BCL2: variants seen among roughly 807,000 people sequenced by gnomAD.
The protein encoded by BCL2 is apoptosis regulator Bcl-2.
A neutral mutation model predicts 14.2 loss-of-function variants in BCL2; 1 was observed. That is an observed-to-expected ratio of 0.07 (90% CI 0.02 to 0.33). The LOEUF is 0.33. Among genes scored for constraint, BCL2 ranks in the 10% least tolerant of loss-of-function variants. The pLI is 0.99. For missense variants in BCL2, 247 were observed against 305.9 expected (o/e 0.81, Z 1.44); for synonymous variants, 151 against 137.2 (o/e 1.10, Z -0.70).
At chr18:63,181,493 T>C (rs960203910) in intron 2 of BCL2, among the ~76,000 whole-genome samples, 4 of 152,204 alleles carry the variant, frequency 2.6e-5, no homozygotes, top group African/African-American at 9.6e-5. Flanking sequence ...AAAATGCAGA[T>C]GCCTGGACCC....
chr18:63,221,893 T>C (rs1295777356), intron 2 of BCL2, among the ~76,000 whole-genome samples: 1 of 152,166 alleles, frequency 6.6e-6, no homozygotes, highest in Non-Finnish European at 1.5e-5. Flanking sequence ...ACAAACACAG[T>C]TCTAGGATCA....
chr18:63,128,612 A>G lies in BCL2; in HGVS notation c.*13T>C. The G allele has an allele frequency of 1.3e-6, 1 of 780,200 alleles. No individual in the cohort carries two copies. Among genetic ancestry groups the G allele is most frequent in the Middle Eastern group, 2.3e-4 (1 of 4,442 alleles). 48.3% of individuals were successfully genotyped at this position (780,200 alleles called of 1,614,324 possible). ...AACCTTTTGCATATTTGTTTGGGGC[A>G]GGCATGTTGACTTCACTTGTGGCCC... On this transcript the variant is annotated 3_prime_UTR_variant, in exon 3 of 3. Transcript: ENST00000333681.
intron 2 of BCL2, among the ~76,000 whole-genome samples, chr18:63,166,426 C>T (rs1183534802): frequency 1.3e-5 from 2 of 152,164 alleles, no homozygotes; most frequent in African/African-American, 2.4e-5. Flanking sequence ...GACTGGGGAA[C>T]GAGGTACCTG....
In BCL2 at chr18:63,202,257, C is replaced by T. The variant is rs28484798; in HGVS notation, c.586-73498G>A. On this transcript the variant is annotated intron_variant, in intron 2 of 2. Coordinates refer to ENST00000333681, the MANE Select transcript of BCL2 (RefSeq NM_000633.3). ...TCAGGAGGCGGAGGTTGCAGTGAGA[C>T]GAGATCGGGCCACTGCACTCCAGCC... Among the ~76,000 whole-genome samples the T allele has an allele frequency of 7.6e-4, 115 of 152,254 alleles. 1 individual carries two copies. Among genetic ancestry groups the T allele is most frequent in the African/African-American group, 2.4e-3 (101 of 41,568 alleles).
At chr18:63,269,963 C>T (rs1457313572) in intron 2 of BCL2, among the ~76,000 whole-genome samples, 2 of 152,106 alleles carry the variant, frequency 1.3e-5, no homozygotes, top group Non-Finnish European at 2.9e-5. Flanking sequence ...CAGGTTTCCA[C>T]CTTTGAAATG....
At chr18:63,244,179 A>G (rs1209301173) in intron 2 of BCL2, among the ~76,000 whole-genome samples, 1 of 152,170 alleles carries the variant, frequency 6.6e-6, no homozygotes, top group Non-Finnish European at 1.5e-5. Context: ...GGAATTCAAG[A>G]CTGGCCTGGC....
chr18:63,210,205 T>A (rs907890912), intron 2 of BCL2, among the ~76,000 whole-genome samples: 1 of 152,144 alleles, frequency 6.6e-6, no homozygotes, highest in Non-Finnish European at 1.5e-5. Context: ...GCAGTGAACA[T>A]GCTGGAAGTG....
intron 2 of BCL2, among the ~76,000 whole-genome samples, chr18:63,297,799 C>T (rs1033548431): frequency 1.3e-5 from 2 of 152,178 alleles, no homozygotes; most frequent in Non-Finnish European, 2.9e-5. Flanking sequence ...GGCGTGGCAT[C>T]GGCTGATGGG....
At chr18:63,305,294 A>G (rs906424046) in intron 2 of BCL2, among the ~76,000 whole-genome samples, 2 of 152,252 alleles carry the variant, frequency 1.3e-5, no homozygotes, top group East Asian at 3.8e-4. Context: ...CTACTAAGCA[A>G]TCTTGTGTCT....
At chr18:63,130,413 C>G (rs1914033446) in intron 2 of BCL2, among the ~76,000 whole-genome samples, 1 of 152,176 alleles carries the variant, frequency 6.6e-6, no homozygotes, top group African/African-American at 2.4e-5. Context: ...CAGGGATTCT[C>G]TTTGTCTCCC....
rs540538416 is a variant in BCL2, at chr18:63,123,711, C to T, written c.*4914G>A. 71 of 213,956 alleles carry T rather than the reference C, an allele frequency of 3.3e-4. No individual in the cohort carries two copies. The highest frequency in any genetic ancestry group is 1.4e-3 in the African/African-American group (60 of 44,312). 13.3% of individuals were successfully genotyped at this position (213,956 alleles called of 1,614,324 possible). On this transcript the variant is annotated 3_prime_UTR_variant, in exon 3 of 3. Transcript: ENST00000333681. The stretch of plus-strand genomic sequence containing the variant: ...AACAAAAGCAAACCTTGGTTGAAAA[C>T]TTAAGAAGGTATAATAAACAAAACC...
intron 2 of BCL2, among the ~76,000 whole-genome samples, chr18:63,232,342 C>CA (rs531646291): frequency 7.7e-4 from 117 of 151,720 alleles, no homozygotes; most frequent in African/African-American, 2.5e-3. Context: ...TGAAGGATGC[C>CA]AAAAAACAAT....
At chr18:63,305,404 C>A (rs1399360359) in intron 2 of BCL2, among the ~76,000 whole-genome samples, 3 of 152,144 alleles carry the variant, frequency 2.0e-5, no homozygotes, top group Admixed American at 2.0e-4. Context: ...CTTATTGGCT[C>A]GTACACACCT....
At chr18:63,199,909 G>A (rs781582888) in intron 2 of BCL2, among the ~76,000 whole-genome samples, 6 of 150,918 alleles carry the variant, frequency 4.0e-5, no homozygotes, top group Non-Finnish European at 7.4e-5. Flanking sequence ...GACCAAAACC[G>A]TAACAAACAA....
intron 2 of BCL2, among the ~76,000 whole-genome samples, chr18:63,138,845 T>C (rs545871260): frequency 1.3e-5 from 2 of 152,338 alleles, no homozygotes; most frequent in Admixed American, 1.3e-4. Flanking sequence ...TGTGTTCTGT[T>C]ATGCAAATTT....
intron 2 of BCL2, among the ~76,000 whole-genome samples, chr18:63,260,679 T>C (rs1214946937): frequency 2.0e-5 from 3 of 149,660 alleles, no homozygotes; most frequent in Admixed American, 6.8e-5. Context: ...AGAAAGGTGA[T>C]ATCTAGCCAA....
At chr18:63,285,887 AAACT>A (rs1271686098) in intron 2 of BCL2, among the ~76,000 whole-genome samples, 1 of 152,240 alleles carries the variant, frequency 6.6e-6, no homozygotes, top group Non-Finnish European at 1.5e-5. Context: ...GACAGCACAC[AAACT>A]ATGTGATGGT....
At chr18:63,307,376 T>G (rs1480841310) in intron 2 of BCL2, among the ~76,000 whole-genome samples, 1 of 152,248 alleles carries the variant, frequency 6.6e-6, no homozygotes, top group Non-Finnish European at 1.5e-5. Flanking sequence ...AGCCAAATAT[T>G]AAATGTTCAC....
chr18:63,124,562 C>T lies in BCL2; in HGVS notation c.*4063G>A, dbSNP rs1412596796. 3.0e-5 allele frequency: 7 copies of T among 232,146 alleles called. No individual in the cohort carries two copies. The highest frequency in any genetic ancestry group is 6.0e-5 in the Non-Finnish European group (7 of 117,280). The allele number at this position is 232,146 out of a possible 1,614,324, so 14.4% of individuals were successfully genotyped here. A position where few individuals can be genotyped will look rare whatever the true frequency, so the allele number is the denominator to read the frequency against. ...TTCTGAAAACTTCCAACTCCCTGAT[C>T]CAAACTTGGGAATGTTTTACATTTA... On this transcript the variant is annotated 3_prime_UTR_variant, in exon 3 of 3. Coordinates refer to ENST00000333681, the MANE Select transcript of BCL2 (RefSeq NM_000633.3).
Sources: allele counts gnomAD v4.1 joint callset (sites outside exome capture counted in the v4.1 genomes callset), GRCh38; gene constraint gnomAD v4.1.1; transcripts MANE v1.5; gene names NCBI Gene and HGNC (gene_info 2026-07-23, HGNC 2026-07-21).